The following NKAIN2 variants were observed in gnomAD, a reference collection of about 807,000 sequenced individuals.
NKAIN2 encodes sodium/potassium-transporting ATPase subunit beta-1-interacting protein 2.
A neutral mutation model predicts 32.6 loss-of-function variants in NKAIN2; 14 were observed. That is an observed-to-expected ratio of 0.43 (90% CI 0.28 to 0.67). NKAIN2 has a LOEUF of 0.67. Ranked by LOEUF, NKAIN2 falls within the 30% of genes least tolerant of loss-of-function variation. The pLI, the probability that NKAIN2 is intolerant of heterozygous loss-of-function variation, is 0.17. For missense variants in NKAIN2, 198 were observed against 258.3 expected (o/e 0.77, Z 1.60); for synonymous variants, 80 against 87.2 (o/e 0.92, Z 0.46).
intron 4 of NKAIN2, among the ~76,000 whole-genome samples, chr6:124,687,275 TAGAG>T (rs201082924): frequency 0.019 from 2,420 of 126,834 alleles, 69 homozygotes; most frequent in African/African-American, 0.063. Flanking sequence ...TCTCTATATA[TAGAG>T]AGAGAATATA....
At position 124,011,332 on chromosome 6, in the gene NKAIN2, T is replaced by A. The variant is rs376046454; in HGVS notation, c.54+207078T>A. Among the ~76,000 whole-genome samples the A allele has an allele frequency of 3.9e-5, 6 of 152,242 alleles. No individual in the cohort carries two copies. In the East Asian group the frequency reaches 1.2e-3, roughly 29 times the overall value. On this transcript the variant is annotated intron_variant, in intron 1 of 6. Transcript: ENST00000368417. ...TTCTGTTTTACACATTCTACCTGAG[T>A]ATCGTCATCCATTCTTTTATTTTGA...
intron 1 of NKAIN2, among the ~76,000 whole-genome samples, chr6:124,198,002 T>C (rs1405307326): frequency 6.6e-6 from 1 of 152,074 alleles, no homozygotes; most frequent in Non-Finnish European, 1.5e-5. Flanking sequence ...GTTACTAGTT[T>C]GTGGGGATTG....
intron 3 of NKAIN2, among the ~76,000 whole-genome samples, chr6:124,445,512 A>T (rs1276637102): frequency 1.3e-5 from 2 of 152,102 alleles, no homozygotes; most frequent in Non-Finnish European, 2.9e-5. Context: ...ATTCAAAATA[A>T]TCAATAAGAC....
chr6:124,181,134 A>G (rs1477411513), intron 1 of NKAIN2, among the ~76,000 whole-genome samples: 1 of 152,076 alleles, frequency 6.6e-6, no homozygotes, highest in East Asian at 1.9e-4. Flanking sequence ...TCAACACCAT[A>G]TGGAAGCTGC....
At chr6:124,594,010 A>G (rs1583489976) in intron 3 of NKAIN2, among the ~76,000 whole-genome samples, 1 of 152,220 alleles carries the variant, frequency 6.6e-6, no homozygotes, top group East Asian at 1.9e-4. Flanking sequence ...GAACTCTTTT[A>G]TTTGCAGAGG....
At chr6:124,573,183 G>A (rs1761154595) in intron 3 of NKAIN2, among the ~76,000 whole-genome samples, 1 of 151,828 alleles carries the variant, frequency 6.6e-6, no homozygotes, top group Non-Finnish European at 1.5e-5. Context: ...TATTGGTTAA[G>A]CCCCTGACAG....
At chr6:124,081,918 T>C (rs1002341728) in intron 1 of NKAIN2, among the ~76,000 whole-genome samples, 13 of 152,090 alleles carry the variant, frequency 8.5e-5, no homozygotes, top group African/African-American at 3.1e-4. Context: ...AAGTCTATCC[T>C]CTTCAGTGTC....
At chr6:124,808,071 A>G (rs1160867848) in intron 5 of NKAIN2, among the ~76,000 whole-genome samples, 1 of 151,746 alleles carries the variant, frequency 6.6e-6, no homozygotes, top group Non-Finnish European at 1.5e-5. Context: ...AGGAACTGGT[A>G]CCATTCCTTC....
chr6:124,738,467 G>T (rs1029173487), intron 4 of NKAIN2, among the ~76,000 whole-genome samples: 1 of 151,624 alleles, frequency 6.6e-6, no homozygotes, highest in African/African-American at 2.4e-5. Context: ...GCTTGAAAAC[G>T]CAATGTTGTA....
chr6:124,562,124 A>G (rs9372783), intron 3 of NKAIN2, among the ~76,000 whole-genome samples: 85,940 of 152,028 alleles, frequency 0.57, 24,763 homozygotes, highest in East Asian at 0.68. Context: ...TGAGAATCTA[A>G]CAATCAACAT....
intron 2 of NKAIN2, among the ~76,000 whole-genome samples, chr6:124,342,689 T>G (rs2115089117): frequency 6.6e-6 from 1 of 151,672 alleles, no homozygotes; most frequent in Non-Finnish European, 1.5e-5. Flanking sequence ...TTGTATTTTT[T>G]GTAGGGACGG....
At chr6:124,036,205 A>C (rs962464704) in intron 1 of NKAIN2, among the ~76,000 whole-genome samples, 1 of 152,110 alleles carries the variant, frequency 6.6e-6, no homozygotes, top group Non-Finnish European at 1.5e-5. Context: ...CAGGTAAAAA[A>C]TCTTAGAGTA....
intron 1 of NKAIN2, among the ~76,000 whole-genome samples, chr6:124,196,688 T>A (rs1476778280): frequency 6.6e-6 from 1 of 152,072 alleles, no homozygotes; most frequent in South Asian, 2.1e-4. Context: ...CACAATGCAT[T>A]CAGTGTTACA....
At chr6:124,275,145 C>T (rs1794972232) in intron 1 of NKAIN2, among the ~76,000 whole-genome samples, 1 of 151,978 alleles carries the variant, frequency 6.6e-6, no homozygotes, top group Non-Finnish European at 1.5e-5. Context: ...GCAGAATGAA[C>T]AGCTGTGAGA....
At chr6:124,315,024 A>T (rs1583035485) in intron 2 of NKAIN2, among the ~76,000 whole-genome samples, 1 of 152,266 alleles carries the variant, frequency 6.6e-6, no homozygotes, top group African/African-American at 2.4e-5. Context: ...CTAATTATGT[A>T]AGTTTTTTAT....
chr6:124,614,984 G>C (rs1379496800), intron 3 of NKAIN2, among the ~76,000 whole-genome samples: 1 of 152,202 alleles, frequency 6.6e-6, no homozygotes, highest in Non-Finnish European at 1.5e-5. Context: ...GTGCTGAACA[G>C]TGTCTTCGGT....
At chr6:124,398,123 G>A (rs961842667) in intron 3 of NKAIN2, among the ~76,000 whole-genome samples, 1 of 151,304 alleles carries the variant, frequency 6.6e-6, no homozygotes, top group Non-Finnish European at 1.5e-5. Flanking sequence ...CGTGGTTGCG[G>A]GCACCTGTAG....
At chr6:124,313,837 C>T (rs912107374) in intron 2 of NKAIN2, among the ~76,000 whole-genome samples, 1 of 152,100 alleles carries the variant, frequency 6.6e-6, no homozygotes, top group African/African-American at 2.4e-5. Flanking sequence ...TACCCTAGCT[C>T]GGTGTCTTTT....
chr6:123,816,346 G>A (rs966384584), intron 1 of NKAIN2, among the ~76,000 whole-genome samples: 1 of 152,108 alleles, frequency 6.6e-6, no homozygotes, highest in African/African-American at 2.4e-5. Flanking sequence ...CAAGGCGTAT[G>A]TCCCAGTGCC....
Sources: gnomAD v4.1 joint callset for allele counts (sites outside exome capture counted in the v4.1 genomes callset) on GRCh38, gnomAD v4.1.1 for gene constraint, MANE v1.5 for transcripts, NCBI Gene and HGNC (gene_info 2026-07-23, HGNC 2026-07-21) for gene names.